ZNF283: variants seen among roughly 807,000 people sequenced by gnomAD.
The protein encoded by ZNF283 is zinc finger protein 41.
A neutral mutation model predicts 9.2 loss-of-function variants in ZNF283; 10 were observed. The ratio of observed to expected loss-of-function variants is 1.09; its 90% CI spans 0.67 to 1.85. The LOEUF (loss-of-function observed/expected upper bound fraction) is 1.85. Among genes scored for constraint, ZNF283 ranks in the 40% most tolerant of loss-of-function variants. The pLI is 0.00. For synonymous variants in ZNF283, 234 were observed against 244.1 expected (o/e 0.96, Z 0.38); for missense variants, 631 against 760.1 (o/e 0.83, Z 2.00).
intron 2 of ZNF283, among the ~76,000 whole-genome samples, chr19:43,830,334 T>C (rs56280239): frequency 0.17 from 26,555 of 152,094 alleles, 2,441 homozygotes; most frequent in Non-Finnish European, 0.21. Flanking sequence ...TGCCTCGGGC[T>C]CCTCAAGTGC....
At chr19:43,837,256 A>G (rs1454727733) in intron 6 of ZNF283, 77 bp downstream of exon 6, 3 of 1,405,466 alleles carry the variant, frequency 2.1e-6, no homozygotes, top group Non-Finnish European at 2.9e-6. Flanking sequence ...TTACAGGGCT[A>G]TCTTTGAAGA....
chr19:43,829,211 C>T (rs1970596969), intron 2 of ZNF283, among the ~76,000 whole-genome samples: 1 of 152,088 alleles, frequency 6.6e-6, no homozygotes, highest in Admixed American at 6.6e-5. Context: ...CGGTGAAACC[C>T]CGTCTCCACT....
At chr19:43,840,681 C>T in intron 6 of ZNF283, 1 of 135,526 alleles carries the variant, frequency 7.4e-6, no homozygotes, top group Non-Finnish European at 1.6e-5. Context: ...GGATGCCAAT[C>T]TCTCTCTCTC....
At chr19:43,830,403 G>A (rs1458994925) in intron 2 of ZNF283, among the ~76,000 whole-genome samples, 7 of 152,122 alleles carry the variant, frequency 4.6e-5, no homozygotes, top group Non-Finnish European at 1.0e-4. Context: ...TTAACCTGAG[G>A]TCTTCTTGTT....
chr19:43,837,228 A>G, intron 6 of ZNF283, 49 bp downstream of exon 6: 1 of 1,518,782 alleles, frequency 6.6e-7, no homozygotes, highest in Non-Finnish European at 8.8e-7. Flanking sequence ...TTGCATCATC[A>G]GTTTTCTGCA....
rs117655144 is a variant in ZNF283, at chr19:43,836,737, G to A, written c.211-316G>A. Among the ~76,000 whole-genome samples, 330 of 152,316 alleles carry A rather than the reference G, an allele frequency of 2.2e-3. 1 individual carries two copies. Among genetic ancestry groups the A allele is most frequent in the Middle Eastern group, 3.4e-3 (1 of 294 alleles). On this transcript the variant is annotated intron_variant, in intron 5 of 6. Coordinates refer to ENST00000618787, the MANE Select transcript of ZNF283 (RefSeq NM_181845.2). ...ATAGCACATTGTAAATCTGCATGAT[G>A]TATACGCAGGCACTTTTTATATAAC...
rs1348647728 is a variant in ZNF283 at position 43,827,350 on chromosome 19, T to G, written c.-239T>G. 6.6e-6 allele frequency: 1 copy of G among 152,526 alleles called. No homozygotes were observed. The highest frequency in any genetic ancestry group is 2.4e-5 in the African/African-American group (1 of 41,446). 9.4% of individuals were successfully genotyped at this position (152,526 alleles called of 1,614,324 possible). A position where few individuals can be genotyped will look rare whatever the true frequency, so the allele number is the denominator to read the frequency against. On this transcript the variant is annotated 5_prime_UTR_variant, in exon 1 of 7. Coordinates refer to ENST00000618787, the MANE Select transcript of ZNF283 (RefSeq NM_181845.2). Reference sequence around the variant, plus strand: ...GCTCCTCTCCCAGCCTGCGAGCATTTCCAGGCTCTTGTTTCCCATCAGCCT... The same window carrying G: ...GCTCCTCTCCCAGCCTGCGAGCATTGCCAGGCTCTTGTTTCCCATCAGCCT...
chr19:43,836,938 C>T lies in ZNF283; in HGVS notation c.211-115C>T, dbSNP rs547215550. The T allele has an allele frequency of 9.5e-6, 11 of 1,155,176 alleles. No homozygotes were observed. The African/African-American group carries it at 1.4e-4, about 15-fold the overall frequency. The allele number at this position is 1,155,176 out of a possible 1,614,324, so 71.6% of individuals were successfully genotyped here. On this transcript the variant is annotated intron_variant, in intron 5 of 6. Coordinates refer to ENST00000618787, the MANE Select transcript of ZNF283 (RefSeq NM_181845.2). ...CCTACCTATATCAGAGGCTTTCAGCCTACTCGATTGTTATATTTCTCCCCC... is the reference window on the plus strand; with the variant it reads ...CCTACCTATATCAGAGGCTTTCAGCTTACTCGATTGTTATATTTCTCCCCC...
chr19:43,845,656 A>G (rs917370023), intron 6 of ZNF283, among the ~76,000 whole-genome samples: 7 of 152,172 alleles, frequency 4.6e-5, no homozygotes, highest in Non-Finnish European at 1.0e-4. Flanking sequence ...AATTATGCAG[A>G]TTTATTTTCT....
chr19:43,837,269 C>A, intron 6 of ZNF283, 90 bp downstream of exon 6: 2 of 1,351,164 alleles, frequency 1.5e-6, no homozygotes, highest in Non-Finnish European at 2.0e-6. Context: ...TTTGAAGAAA[C>A]CAGGTGAATT....
At chr19:43,831,954 T>C (rs1284037522) in intron 3 of ZNF283, among the ~76,000 whole-genome samples, 1 of 151,086 alleles carries the variant, frequency 6.6e-6, no homozygotes, top group African/African-American at 2.4e-5. Context: ...ATTTAAATCC[T>C]TTTTCCTTTG....
intron 4 of ZNF283, among the ~76,000 whole-genome samples, chr19:43,834,515 CAG>C (rs1970868908): frequency 6.6e-6 from 1 of 151,282 alleles, no homozygotes; most frequent in Admixed American, 6.6e-5. Context: ...ATTACCTAAA[CAG>C]AAAACATTAT....
intron 2 of ZNF283, among the ~76,000 whole-genome samples, chr19:43,829,743 G>C (rs1970619610): frequency 6.6e-6 from 1 of 152,130 alleles, no homozygotes; most frequent in Non-Finnish European, 1.5e-5. Context: ...AAAAGTGGGG[G>C]CTGGGCACGG....
At chr19:43,832,868 A>G (rs1222363975) in intron 3 of ZNF283, among the ~76,000 whole-genome samples, 1 of 151,870 alleles carries the variant, frequency 6.6e-6, no homozygotes, top group Non-Finnish European at 1.5e-5. Flanking sequence ...ATTTTAAAGA[A>G]GAATCATTAG....
At chr19:43,835,788 AG>A (rs1457945567) in intron 5 of ZNF283, among the ~76,000 whole-genome samples, 196 bp downstream of exon 5, 1 of 152,102 alleles carries the variant, frequency 6.6e-6, no homozygotes, top group Non-Finnish European at 1.5e-5. Context: ...GATTAGAGAG[AG>A]GGGAGTTAAG....
At position 43,837,197 on chromosome 19, in the gene ZNF283, A is replaced by C; in HGVS notation, c.337+18A>C. 1 of 1,571,234 alleles carries C rather than the reference A, an allele frequency of 6.4e-7. No homozygotes were observed. The highest frequency in any genetic ancestry group is 1.9e-5 in the Admixed American group (1 of 51,476). On this transcript the variant is annotated intron_variant, in intron 6 of 6. Transcript: ENST00000618787. Reference sequence around the variant, plus strand: ...GTCACTGGGTAAGGTCATCTGCCTGAAATAATTTAGAGTCTCCTCTTTGCA... The same window carrying C: ...GTCACTGGGTAAGGTCATCTGCCTGCAATAATTTAGAGTCTCCTCTTTGCA...
In ZNF283 at chr19:43,851,269, T is replaced by C. The variant is rs189338452; in HGVS notation, c.*2628T>C. 1 of 152,260 alleles carries C rather than the reference T, an allele frequency of 6.6e-6. No individual in the cohort carries two copies. The highest frequency in any genetic ancestry group is 1.5e-5 in the Non-Finnish European group (1 of 68,014). The allele number at this position is 152,260 out of a possible 1,614,324, so 9.4% of individuals were successfully genotyped here. A position where few individuals can be genotyped will look rare whatever the true frequency, so the allele number is the denominator to read the frequency against. On this transcript the variant is annotated 3_prime_UTR_variant, in exon 7 of 7. Transcript: ENST00000618787. Reference sequence around the variant, plus strand: ...CCTTATCCCAACATTTCTGAAATTATATCTCAAGGAATCACCAGTGCTTAC... The same window carrying C: ...CCTTATCCCAACATTTCTGAAATTACATCTCAAGGAATCACCAGTGCTTAC...
rs1005839893 is a variant in ZNF283 at position 43,847,033 on chromosome 19, T to G, written c.432T>G (p.Ser144Arg). 1.2e-6 allele frequency: 2 copies of G among 1,610,218 alleles called. No individual in the cohort carries two copies. Among genetic ancestry groups the G allele is most frequent in the Non-Finnish European group, 1.7e-6 (2 of 1,178,182 alleles). The change falls in exon 7 of 7, where the codon AGT (serine) becomes AGG (arginine). Residue 144 changes from serine (S) to arginine (R), a missense_variant. Ser to Arg is a moderately radical substitution (Grantham distance 110, BLOSUM62 -1). Around this residue, in one of 3 missense-constraint regions of ZNF283, gnomAD observed 184 missense variants for 220.0 expected, o/e 0.84. Transcript: ENST00000618787. ...NFSQWEMKDK[S>R]KTLGLEASIF... ...CCCAGTGGGAGATGAAGGACAAAAG[T>G]AAAACCCTTGGCCTTGAGGCATCCA...
Position 43,835,914 on chromosome 19 carries a change from A to G in ZNF283, c.210+322A>G, listed in dbSNP as rs190310874. 3.3e-5 allele frequency among the ~76,000 whole-genome samples: 5 copies of G among 152,332 alleles called. No homozygotes were observed. The East Asian group carries it at 9.6e-4, about 29-fold the overall frequency. On this transcript the variant is annotated intron_variant, in intron 5 of 6. Coordinates refer to ENST00000618787, the MANE Select transcript of ZNF283 (RefSeq NM_181845.2). ...TGACTTTGAAGTCATTTTGTCGTCA[A>G]CCAGGATGTGTAGGCCATGAGTGAC... is the stretch of plus-strand genomic sequence containing the variant.
Sources: allele counts gnomAD v4.1 joint callset (sites outside exome capture counted in the v4.1 genomes callset), GRCh38; gene constraint gnomAD v4.1.1; regional missense constraint gnomAD v4.1.1; transcripts MANE v1.5; gene names NCBI Gene and HGNC (gene_info 2026-07-23, HGNC 2026-07-21).